PCDH7: variants seen among roughly 807,000 people sequenced by gnomAD.
PCDH7 encodes protocadherin 7.
Under a neutral mutation model 58.9 loss-of-function variants are expected in PCDH7, and 17 were observed. The observed-to-expected ratio is 0.29, with a 90% CI of 0.20 to 0.43. The LOEUF (loss-of-function observed/expected upper bound fraction) is 0.43. PCDH7 is among the 20% of genes least tolerant of loss of function. The pLI, the probability that PCDH7 is intolerant of heterozygous loss-of-function variation, is 1.00. For synonymous variants in PCDH7, 664 were observed against 616.4 expected, an observed-to-expected ratio of 1.08 and a Z score of -1.14; for missense variants, 1,274 against 1,441.0, an observed-to-expected ratio of 0.88 and a Z score of 1.88.
intron 3 of PCDH7, among the ~76,000 whole-genome samples, chr4:31,036,086 A>C (rs1755387772): frequency 6.6e-6 from 1 of 152,224 alleles, no homozygotes; most frequent in African/African-American, 2.4e-5. Flanking sequence ...AATGTGTTTT[A>C]CACAAAATGT....
chr4:31,028,022 C>G (rs1006211556), intron 3 of PCDH7, among the ~76,000 whole-genome samples: 2 of 152,006 alleles, frequency 1.3e-5, no homozygotes, highest in Non-Finnish European at 2.9e-5. Flanking sequence ...TATTAATGAC[C>G]ATGGTCATTT....
At chr4:30,946,904 G>T (rs1746760590) in intron 2 of PCDH7, among the ~76,000 whole-genome samples, 1 of 152,008 alleles carries the variant, frequency 6.6e-6, no homozygotes, top group African/African-American at 2.4e-5. Context: ...TAGGGATGGG[G>T]TTTTCCCATG....
chr4:30,968,395 TATATATATATATATATATATGG>T (rs1469997027), intron 3 of PCDH7, among the ~76,000 whole-genome samples: 18 of 60,338 alleles, frequency 3.0e-4, no homozygotes, highest in African/African-American at 1.1e-3. Context: ...TATATATATA[TATATATATATATATATATATGG>T]GATATTATGT....
chr4:30,867,777 G>A (rs1735058258), intron 1 of PCDH7, among the ~76,000 whole-genome samples: 1 of 152,034 alleles, frequency 6.6e-6, no homozygotes, highest in Admixed American at 6.6e-5. Flanking sequence ...GGGGAAAATA[G>A]CATTCATTTT....
At chr4:30,926,632 C>G (rs4491979) in intron 2 of PCDH7, among the ~76,000 whole-genome samples, 117,726 of 152,146 alleles carry the variant, frequency 0.77, 46,363 homozygotes, top group African/African-American at 0.94. Context: ...TCTTTTGTTT[C>G]GAGTACCATA....
At chr4:31,026,292 C>A (rs570072246) in intron 3 of PCDH7, among the ~76,000 whole-genome samples, 1 of 152,176 alleles carries the variant, frequency 6.6e-6, no homozygotes, top group African/African-American at 2.4e-5. Context: ...TTCTGTGCCA[C>A]AAGTTGTACC....
chr4:30,989,950 CAA>C (rs898237201), intron 3 of PCDH7, among the ~76,000 whole-genome samples: 7 of 152,034 alleles, frequency 4.6e-5, no homozygotes, highest in Admixed American at 4.6e-4. Context: ...ATTGACTTTT[CAA>C]AGAGTTCCTG....
intron 2 of PCDH7, among the ~76,000 whole-genome samples, chr4:30,923,897 G>A (rs1221681241): frequency 1.3e-5 from 2 of 152,042 alleles, no homozygotes; most frequent in African/African-American, 4.8e-5. Context: ...AGTTTATGGG[G>A]GAAATAGGTA....
chr4:30,856,705 A>AT lies in PCDH7; in HGVS notation c.71-63448_71-63447insT, dbSNP rs1446332148. ...TATACTGATATCAGAAAAAAAAAAA[A>AT]AAATATATATATATATACATGCTTT... is the stretch of plus-strand genomic sequence containing the variant. On this transcript the variant is annotated intron_variant, in intron 1 of 3. Coordinates refer to the PCDH7 transcript ENST00000509759. Among the ~76,000 whole-genome samples the AT allele has an allele frequency of 4.0e-3, 560 of 140,248 alleles. 2 individuals are homozygous for AT. The highest frequency in any genetic ancestry group is 7.8e-3 in the African/African-American group (292 of 37,312). 92.0% of individuals were successfully genotyped at this position (140,248 alleles called of 152,430 possible).
chr4:31,070,793 G>A (rs933386268), intron 3 of PCDH7, among the ~76,000 whole-genome samples: 2 of 151,996 alleles, frequency 1.3e-5, no homozygotes, highest in East Asian at 1.9e-4. Flanking sequence ...AGAAAATAGA[G>A]GAAGTTTTAT....
chr4:30,829,909 A>T (rs574060221), intron 1 of PCDH7, among the ~76,000 whole-genome samples: 2 of 152,114 alleles, frequency 1.3e-5, no homozygotes, highest in Non-Finnish European at 2.9e-5. Flanking sequence ...CAGTTGCCCC[A>T]TTGACACCAT....
chr4:31,016,059 A>G (rs1753578322), intron 3 of PCDH7, among the ~76,000 whole-genome samples: 1 of 152,166 alleles, frequency 6.6e-6, no homozygotes. Context: ...TTATGCAACT[A>G]AATCACTCCA....
chr4:30,959,959 A>G (rs752021136), intron 3 of PCDH7, among the ~76,000 whole-genome samples: 41 of 152,034 alleles, frequency 2.7e-4, no homozygotes, highest in Non-Finnish European at 5.4e-4. Flanking sequence ...CATTTGTTAA[A>G]TTTTGATAGT....
chr4:31,052,639 C>T (rs1756847562), intron 3 of PCDH7, among the ~76,000 whole-genome samples: 12 of 152,110 alleles, frequency 7.9e-5, no homozygotes, highest in Admixed American at 7.2e-4. Flanking sequence ...TCAGAAAAAT[C>T]ATACCAAGCA....
intron 1 of PCDH7, among the ~76,000 whole-genome samples, chr4:30,746,847 T>C (rs1405643644): frequency 6.6e-6 from 1 of 152,180 alleles, no homozygotes; most frequent in African/African-American, 2.4e-5. Flanking sequence ...TTCCTCTCCT[T>C]TCTTTCTGTT....
At chr4:31,009,469 C>A (rs1753015459) in intron 3 of PCDH7, among the ~76,000 whole-genome samples, 2 of 151,968 alleles carry the variant, frequency 1.3e-5, no homozygotes, top group African/African-American at 4.8e-5. Context: ...AACACAAAAT[C>A]TACACAGTAC....
chr4:30,935,736 C>A (rs1300691666), intron 2 of PCDH7, among the ~76,000 whole-genome samples: 1 of 152,122 alleles, frequency 6.6e-6, no homozygotes, highest in Non-Finnish European at 1.5e-5. Context: ...TATCACCGAT[C>A]ACAGAGTGTG....
chr4:31,062,684 A>G (rs1271843997), intron 3 of PCDH7, among the ~76,000 whole-genome samples: 1 of 151,700 alleles, frequency 6.6e-6, no homozygotes, highest in Non-Finnish European at 1.5e-5. Context: ...CTCTTTCTTC[A>G]TATTCTTTTC....
At chr4:30,839,951 C>G (rs1276831667) in intron 1 of PCDH7, among the ~76,000 whole-genome samples, 1 of 151,774 alleles carries the variant, frequency 6.6e-6, no homozygotes, top group Non-Finnish European at 1.5e-5. Flanking sequence ...TTGCCAAAGC[C>G]CTTAGGCTTT....
Sources: allele counts gnomAD v4.1 joint callset (sites outside exome capture counted in the v4.1 genomes callset), GRCh38; gene constraint gnomAD v4.1.1; transcripts MANE v1.5; gene names NCBI Gene and HGNC (gene_info 2026-07-23, HGNC 2026-07-21).